The following ZNF280B variants were observed in gnomAD, a reference collection of about 807,000 sequenced individuals.
ZNF280B encodes suppressor of hairy wing homolog 2.
ZNF280B carries 16 observed loss-of-function variants against 38.0 expected under a neutral mutation model. The ratio of observed to expected loss-of-function variants is 0.42; its 90% CI spans 0.28 to 0.64. ZNF280B has a LOEUF of 0.64. Ranked by LOEUF, ZNF280B falls within the 30% of genes least tolerant of loss-of-function variation. The pLI, the probability that ZNF280B is intolerant of heterozygous loss-of-function variation, is 0.21. For synonymous variants in ZNF280B, 253 were observed against 230.6 expected (o/e 1.10, Z -0.88); for missense variants, 581 against 639.6 (o/e 0.91, Z 0.99).
chr22:22,491,280 T>C (rs899477056), intron 3 of ZNF280B, among the ~76,000 whole-genome samples: 1 of 151,584 alleles, frequency 6.6e-6, no homozygotes, highest in Non-Finnish European at 1.5e-5. Context: ...GGAAATTCCG[T>C]AGGCCAATAA....
chr22:22,496,105 C>CTT (rs34586676), intron 2 of ZNF280B, among the ~76,000 whole-genome samples: 40 of 114,668 alleles, frequency 3.5e-4, no homozygotes, highest in Non-Finnish European at 4.5e-4. Context: ...TGCGCCTGGC[C>CTT]TTTTTTTTTT....
At chr22:22,497,076 C>T (rs2061711845) in intron 2 of ZNF280B, among the ~76,000 whole-genome samples, 1 of 150,780 alleles carries the variant, frequency 6.6e-6, no homozygotes, top group Admixed American at 6.6e-5. Flanking sequence ...CCTTAGGCTC[C>T]CAAAGTACTG....
At position 22,501,938 on chromosome 22, in the gene ZNF280B, GA is replaced by G. The variant is rs558752305; in HGVS notation, c.-187+5871del. Among the ~76,000 whole-genome samples, 1,133 of 144,352 alleles carry G rather than the reference GA, an allele frequency of 7.8e-3. 6 individuals carry two copies. The highest frequency in any genetic ancestry group is 0.026 in the African/African-American group (1,019 of 39,578). 94.7% of individuals were successfully genotyped at this position (144,352 alleles called of 152,430 possible). Reference sequence around the variant, plus strand: ...TGGTGCCAGAGCAAGACTGTCTCAAGAAAAAAAAAAAATTTAAATTTAGCTG... The same window carrying G: ...TGGTGCCAGAGCAAGACTGTCTCAAGAAAAAAAAAAATTTAAATTTAGCTG... On this transcript the variant is annotated intron_variant, in intron 2 of 3. Coordinates refer to ENST00000626650, the MANE Select transcript of ZNF280B (RefSeq NM_080764.4).
Position 22,487,489 on chromosome 22 carries a change from AAAT to A in ZNF280B, c.*275_*277del, listed in dbSNP as rs2061517187. ...AAAAAAAAAAAAATTAAAATTAAAAAAATAAATTAATACCTTTTTCTCTCTCTC... is the reference window on the plus strand; with the variant it reads ...AAAAAAAAAAAAATTAAAATTAAAAAAAATTAATACCTTTTTCTCTCTCTC... On this transcript the variant is annotated 3_prime_UTR_variant, in exon 4 of 4. Coordinates refer to ENST00000626650, the MANE Select transcript of ZNF280B (RefSeq NM_080764.4). The A allele has an allele frequency of 4.5e-6, 1 of 224,308 alleles. No individual in the cohort carries two copies. Among genetic ancestry groups the A allele is most frequent in the Admixed American group, 5.8e-5 (1 of 17,366 alleles). The allele number at this position is 224,308 out of a possible 1,614,324, so 13.9% of individuals were successfully genotyped here. A position where few individuals can be genotyped will look rare whatever the true frequency, so the allele number is the denominator to read the frequency against.
At position 22,488,692 on chromosome 22, in the gene ZNF280B, G is replaced by A. The variant is rs760569454; in HGVS notation, c.707C>T (p.Pro236Leu). ...GATATTGTCCTTTGGAAAAGCTGCT[G>A]GAAAAGGTGCTCCATTCTGAACATG... ...LSHVQNGAPF[P>L]AAFPKDNIHF... The change falls in exon 4 of 4, where the codon CCA (proline) becomes CTA (leucine). Residue 236 changes from proline to leucine, a missense_variant. Pro to Leu is a moderately conservative substitution (Grantham distance 98). Coordinates refer to ENST00000626650, the MANE Select transcript of ZNF280B (RefSeq NM_080764.4). 6.2e-7 allele frequency: 1 copy of A among 1,613,826 alleles called. No homozygotes were observed. Among genetic ancestry groups the A allele is most frequent in the South Asian group, 1.1e-5 (1 of 91,068 alleles).
At chr22:22,503,024 C>T (rs1453530997) in intron 2 of ZNF280B, among the ~76,000 whole-genome samples, 1 of 151,918 alleles carries the variant, frequency 6.6e-6, no homozygotes, top group Non-Finnish European at 1.5e-5. Context: ...GGTCACAAGC[C>T]AAAGAACGTC....
In ZNF280B at chr22:22,488,385, G is replaced by A. The variant is rs751559670; in HGVS notation, c.1014C>T (p.Ser338=). Residue 338 remains serine, a synonymous_variant, in exon 4 of 4, where the codon AGC becomes AGT. Coordinates refer to ENST00000626650, the MANE Select transcript of ZNF280B (RefSeq NM_080764.4). ...GCTGGCAGGTGGTGTGGTTTTCCCA[G>A]CTGTCGTTCCTCTGCTTCTCAAATT... ...HLEFEKQRND[S]WENHTTCQHC... is the part of the protein sequence containing the mutation. 3 of 1,613,774 alleles carry A rather than the reference G, an allele frequency of 1.9e-6. No individual in the cohort carries two copies. Among genetic ancestry groups the A allele is most frequent in the Non-Finnish European group, 2.5e-6 (3 of 1,180,000 alleles).
At chr22:22,496,604 C>G (rs1312586425) in intron 2 of ZNF280B, among the ~76,000 whole-genome samples, 1 of 151,602 alleles carries the variant, frequency 6.6e-6, no homozygotes, top group African/African-American at 2.4e-5. Context: ...GCATTCAATT[C>G]TAAGATAGCA....
At chr22:22,500,013 T>C (rs1455719277) in intron 2 of ZNF280B, among the ~76,000 whole-genome samples, 1 of 151,928 alleles carries the variant, frequency 6.6e-6, no homozygotes, top group African/African-American at 2.4e-5. Context: ...TTCAGTGTCA[T>C]TAATCATAAA....
Position 22,489,014 on chromosome 22 carries a change from TATTTC to T in ZNF280B, c.380_384del (p.Arg127LysfsTer8). ...TTATTAGGCACAACTTGTGGTGAAC[TATTTC>T]TATAATCAGGTTTAGACAAAGGCTC... On this transcript the variant is annotated frameshift_variant, in exon 4 of 4. Coordinates refer to ENST00000626650, the MANE Select transcript of ZNF280B (RefSeq NM_080764.4). LOFTEE classifies it high-confidence loss of function. 6.2e-7 allele frequency: 1 copy of T among 1,613,864 alleles called. No homozygotes were observed. Among genetic ancestry groups the T allele is most frequent in the South Asian group, 1.1e-5 (1 of 91,062 alleles).
chr22:22,488,556 G>A lies in ZNF280B; in HGVS notation c.843C>T (p.Pro281=). 6.2e-7 allele frequency: 1 copy of A among 1,613,848 alleles called. No individual in the cohort carries two copies. Among genetic ancestry groups the A allele is most frequent in the Non-Finnish European group, 8.5e-7 (1 of 1,179,962 alleles). ...AGTAAAAGTCACTAAGTAACACAAT[G>A]GGATTTTCTTTCTTGGGATCAAAGG... The part of the protein sequence containing the change: ...NKTFDPKKEN[P]IVLLSDFYYG... The change falls in exon 4 of 4, where the codon CCC becomes CCT. Residue 281 remains proline (P), a synonymous_variant. Transcript: ENST00000626650.
intron 2 of ZNF280B, among the ~76,000 whole-genome samples, chr22:22,499,287 G>A (rs1385431125): frequency 6.7e-6 from 1 of 148,556 alleles, no homozygotes; most frequent in East Asian, 2.0e-4. Flanking sequence ...TTTTTGAGTC[G>A]GAATTTCATT....
chr22:22,487,859 A>G lies in ZNF280B; in HGVS notation c.1540T>C (p.Ser514Pro). The change falls in exon 4 of 4, where the codon TCA becomes CCA. Residue 514 changes from serine (S) to proline (P), a missense_variant. By Grantham distance (74) the Ser-to-Pro change is moderately conservative (BLOSUM62 -1). Transcript: ENST00000626650. ...QVSLEPLQPG[S>P]VDVASITVST... is the part of the protein sequence containing the mutation. ...ACAGTTATGGATGCTACATCCACTG[A>G]TCCTGGCTGAAGAGGTTCCAGCGAC... 1 of 1,613,848 alleles carries G rather than the reference A, an allele frequency of 6.2e-7. No homozygotes were observed. Among genetic ancestry groups the G allele is most frequent in the Non-Finnish European group, 8.5e-7 (1 of 1,179,930 alleles).
intron 2 of ZNF280B, among the ~76,000 whole-genome samples, chr22:22,501,026 A>AC (rs2061808986): frequency 2.7e-5 from 4 of 146,988 alleles, no homozygotes; most frequent in South Asian, 2.3e-4. Context: ...TCTCAAAAAA[A>AC]AAAAAAAAAA....
intron 2 of ZNF280B, among the ~76,000 whole-genome samples, chr22:22,494,746 G>GT (rs879885841): frequency 3.6e-4 from 55 of 151,384 alleles, no homozygotes; most frequent in Middle Eastern, 7.0e-3. Flanking sequence ...ATTGTTTTTT[G>GT]TTTTTTTTGA....
intron 2 of ZNF280B, among the ~76,000 whole-genome samples, chr22:22,499,295 A>T (rs2061768291): frequency 6.6e-6 from 1 of 150,428 alleles, no homozygotes; most frequent in African/African-American, 2.4e-5. Context: ...TCGGAATTTC[A>T]TTCTTGTTGC....
At position 22,498,315 on chromosome 22, in the gene ZNF280B, A is replaced by G. The variant is rs532272175; in HGVS notation, c.-186-4135T>C. Among the ~76,000 whole-genome samples, 72 of 152,096 alleles carry G rather than the reference A, an allele frequency of 4.7e-4. No homozygotes were observed. In the South Asian group the frequency reaches 5.8e-3, roughly 12 times the overall value. ...GTACAATATTACAAATGCACTAAAT[A>G]TCACTAAACTGTTTATTTTAAAATG... On this transcript the variant is annotated intron_variant, in intron 2 of 3. Transcript: ENST00000626650.
At chr22:22,491,448 GTCT>G (rs2061592371) in intron 3 of ZNF280B, among the ~76,000 whole-genome samples, 1 of 118,302 alleles carries the variant, frequency 8.5e-6, no homozygotes, top group Non-Finnish European at 1.6e-5. Flanking sequence ...CATTTTTCTT[GTCT>G]TTTTTCTTTT....
At chr22:22,492,515 ATCT>A (rs2061615739) in intron 3 of ZNF280B, among the ~76,000 whole-genome samples, 1 of 151,900 alleles carries the variant, frequency 6.6e-6, no homozygotes, top group African/African-American at 2.4e-5. Flanking sequence ...CCCAAATCCA[ATCT>A]TCTCAGGATC....
Sources: allele counts gnomAD v4.1 joint callset (sites outside exome capture counted in the v4.1 genomes callset), GRCh38; gene constraint gnomAD v4.1.1; transcripts MANE v1.5; gene names NCBI Gene and HGNC (gene_info 2026-07-23, HGNC 2026-07-21).